TMEM268: variants seen among roughly 807,000 people sequenced by gnomAD.
TMEM268 encodes transmembrane protein C9orf91.
TMEM268 carries 24 observed loss-of-function variants against 39.1 expected under a neutral mutation model. The observed-to-expected ratio is 0.61, with a 90% CI of 0.44 to 0.86. The LOEUF (loss-of-function observed/expected upper bound fraction) is 0.86, where lower values mean the gene tolerates loss of function less well. TMEM268 is among the 40% of genes least tolerant of loss of function. The pLI is 0.00. For missense variants in TMEM268, 409 were observed against 428.6 expected, an observed-to-expected ratio of 0.95 and a Z score of 0.40; for synonymous variants, 176 against 173.5, an observed-to-expected ratio of 1.01 and a Z score of -0.12.
At chr9:114,609,782 A>T (rs1378601815), upstream of TMEM268, among the ~76,000 whole-genome samples, 1 of 151,836 alleles carries the variant, frequency 6.6e-6, no homozygotes, top group Non-Finnish European at 1.5e-5. Flanking sequence ...AAAAAGAAAC[A>T]AAGAGAGAAA....
intron 6 of TMEM268, among the ~76,000 whole-genome samples, chr9:114,635,707 A>G (rs1846605780): frequency 6.6e-6 from 1 of 152,160 alleles, no homozygotes; most frequent in African/African-American, 2.4e-5. Context: ...ACATCTTTTT[A>G]GACAACTTGA....
rs750498870 is a variant in TMEM268, at chr9:114,637,087, G to GA, written c.666+23dup. On this transcript the variant is annotated intron_variant, in intron 7 of 8. Coordinates refer to ENST00000288502, the MANE Select transcript of TMEM268 (RefSeq NM_153045.4). ...AGCCAAGAGGTAAGATATCTTCAGT[G>GA]AAAAAACAAAACAAAAACCAGGAGG... 4 of 1,558,912 alleles carry GA rather than the reference G, an allele frequency of 2.6e-6. No homozygotes were observed. The highest frequency in any genetic ancestry group is 1.4e-5 in the African/African-American group (1 of 74,012).
chr9:114,643,378 GAT>G lies in TMEM268; in HGVS notation c.*66_*67del. The G allele has an allele frequency of 6.8e-7, 1 of 1,477,476 alleles. No homozygotes were observed. The highest frequency in any genetic ancestry group is 9.4e-7 in the Non-Finnish European group (1 of 1,064,980). The allele number at this position is 1,477,476 out of a possible 1,614,324, so 91.5% of individuals were successfully genotyped here. ...AGTCAGGAAGGCTTCAGGAGCCCAA[GAT>G]GGCCAATGGGGAGCCCCAGGTGAGG... On this transcript the variant is annotated 3_prime_UTR_variant, in exon 9 of 9. Transcript: ENST00000288502.
intron 1 of TMEM268, among the ~76,000 whole-genome samples, chr9:114,613,396 T>G (rs1299448367): frequency 2.0e-5 from 3 of 152,226 alleles, no homozygotes; most frequent in African/African-American, 7.2e-5. Context: ...CTAGTACAGC[T>G]TCTCTGGGCT....
At chr9:114,608,261 C>T (rs1265235914), upstream of TMEM268, among the ~76,000 whole-genome samples, 3 of 152,226 alleles carry the variant, frequency 2.0e-5, no homozygotes, top group Non-Finnish European at 2.9e-5. Flanking sequence ...CTAAGCATTT[C>T]ATCACTTCAA....
chr9:114,636,976 GCT>G lies in TMEM268; in HGVS notation c.586-13_586-12del. The stretch of plus-strand genomic sequence containing the variant: ...CCCTTGAGCCACGGTGGTCACTGCT[GCT>G]TCTCCCCACAGCTTTGGTTTGTCTA... On this transcript the variant is annotated splice_polypyrimidine_tract_variant and intron_variant, in intron 6 of 8. Coordinates refer to ENST00000288502, the MANE Select transcript of TMEM268 (RefSeq NM_153045.4). 1 of 1,605,238 alleles carries G rather than the reference GCT, an allele frequency of 6.2e-7. No homozygotes were observed. Among genetic ancestry groups the G allele is most frequent in the Non-Finnish European group, 8.5e-7 (1 of 1,172,338 alleles).
In TMEM268 at chr9:114,643,428, C is replaced by A; in HGVS notation, c.*115C>A. The A allele has an allele frequency of 2.3e-6, 2 of 862,428 alleles. No individual in the cohort carries two copies. The highest frequency in any genetic ancestry group is 1.8e-6 in the Non-Finnish European group (1 of 554,384). 53.4% of individuals were successfully genotyped at this position (862,428 alleles called of 1,614,324 possible). On this transcript the variant is annotated 3_prime_UTR_variant, in exon 9 of 9. Transcript: ENST00000288502. Reference sequence around the variant, plus strand: ...AGGAGAGAAGCATCTGGGGGCACTCCAAAAGGGGCCTGTGATGTCAGCCAC... The same window carrying A: ...AGGAGAGAAGCATCTGGGGGCACTCAAAAAGGGGCCTGTGATGTCAGCCAC...
intron 2 of TMEM268, 148 bp downstream of exon 2, chr9:114,617,449 TAG>T: frequency 1.5e-6 from 1 of 678,154 alleles, no homozygotes; most frequent in Non-Finnish European, 2.6e-6. Context: ...CTCTTGGCCT[TAG>T]ACCAAGCCAC....
At position 114,623,479 on chromosome 9, in the gene TMEM268, G is replaced by T. The variant is rs192128467; in HGVS notation, c.107-871G>T. On this transcript the variant is annotated intron_variant, in intron 2 of 8. Transcript: ENST00000288502. The stretch of plus-strand genomic sequence containing the variant: ...TATTTCATAGTTCTGTAAGTTAGAT[G>T]TCTGACACTGATCTCACTGAGCCGA... 8.5e-4 allele frequency among the ~76,000 whole-genome samples: 130 copies of T among 152,314 alleles called. 2 individuals are homozygous for T. Among genetic ancestry groups the T allele is most frequent in the Middle Eastern group, 6.8e-3 (2 of 294 alleles).
chr9:114,643,418 G>A lies in TMEM268; in HGVS notation c.*105G>A. The stretch of plus-strand genomic sequence containing the variant: ...GCCCCAGGTGAGGAGAGAAGCATCT[G>A]GGGGCACTCCAAAAGGGGCCTGTGA... On this transcript the variant is annotated 3_prime_UTR_variant, in exon 9 of 9. Coordinates refer to ENST00000288502, the MANE Select transcript of TMEM268 (RefSeq NM_153045.4). The A allele has an allele frequency of 3.0e-6, 3 of 1,004,752 alleles. No homozygotes were observed. The highest frequency in any genetic ancestry group is 4.5e-6 in the Non-Finnish European group (3 of 671,478). 62.2% of individuals were successfully genotyped at this position (1,004,752 alleles called of 1,614,324 possible).
intron 8 of TMEM268, 54 bp downstream of exon 8, chr9:114,638,780 G>A: frequency 7.1e-7 from 1 of 1,406,792 alleles, no homozygotes; most frequent in Non-Finnish European, 9.4e-7. Context: ...AATTTGCATA[G>A]AGAAAGCCTA....
chr9:114,625,931 AT>A (rs1564290740), intron 3 of TMEM268, among the ~76,000 whole-genome samples: 1 of 151,844 alleles, frequency 6.6e-6, no homozygotes, highest in East Asian at 1.9e-4. Flanking sequence ...GCTTCAAGCA[AT>A]TCTCCTGCCT....
chr9:114,633,134 T>A (rs1846470235), intron 5 of TMEM268, among the ~76,000 whole-genome samples: 1 of 151,662 alleles, frequency 6.6e-6, no homozygotes, highest in Admixed American at 6.6e-5. Context: ...TAGTTGGGAC[T>A]ACAGGTGGAT....
rs143586181 is a variant in TMEM268, at chr9:114,638,587, A to T, written c.710A>T (p.Glu237Val). 87 of 1,604,812 alleles carry T rather than the reference A, an allele frequency of 5.4e-5. No individual in the cohort carries two copies. In the East Asian group the frequency reaches 2.0e-3, roughly 36 times the overall value. The stretch of plus-strand genomic sequence containing the variant: ...TTGAGCCAGTTGTGTGTTGTCATGG[A>T]GACTGGGGTGAGCCCTGCAACAGCG... ...SRLSQLCVVM[E>V]TGVSPATAEG... is the part of the protein sequence containing the mutation. Residue 237 changes from glutamate to valine, a missense_variant, in exon 8 of 9, where the codon GAG becomes GTG. Glu to Val is a moderately radical substitution (Grantham distance 121). Coordinates refer to ENST00000288502, the MANE Select transcript of TMEM268 (RefSeq NM_153045.4).
chr9:114,619,308 C>T (rs912931673), intron 2 of TMEM268, among the ~76,000 whole-genome samples: 1 of 152,078 alleles, frequency 6.6e-6, no homozygotes, highest in African/African-American at 2.4e-5. Flanking sequence ...CACACACACA[C>T]ACACACACAC....
At chr9:114,635,167 C>T (rs1846576983) in intron 6 of TMEM268, among the ~76,000 whole-genome samples, 1 of 150,878 alleles carries the variant, frequency 6.6e-6, no homozygotes, top group Non-Finnish European at 1.5e-5. Flanking sequence ...GTGGTGAAAC[C>T]CCGTCTCTAC....
At chr9:114,631,495 C>T (rs1159119257) in intron 5 of TMEM268, among the ~76,000 whole-genome samples, 1 of 152,158 alleles carries the variant, frequency 6.6e-6, no homozygotes, top group Non-Finnish European at 1.5e-5. Flanking sequence ...AATTATTCTA[C>T]ATGGATTAAC....
intron 2 of TMEM268, among the ~76,000 whole-genome samples, chr9:114,617,885 T>A (rs927974495): frequency 3.3e-5 from 5 of 151,964 alleles, no homozygotes; most frequent in African/African-American, 4.8e-5. Context: ...TTTTATTTTT[T>A]TTATTTTTTG....
intron 1 of TMEM268, among the ~76,000 whole-genome samples, chr9:114,612,035 A>T (rs956095681): frequency 1.3e-5 from 2 of 152,128 alleles, no homozygotes; most frequent in African/African-American, 4.8e-5. Context: ...TAACGTCCTC[A>T]CCTGTAAAAT....
Sources: gnomAD v4.1 joint callset for allele counts (sites outside exome capture counted in the v4.1 genomes callset) on GRCh38, gnomAD v4.1.1 for gene constraint, MANE v1.5 for transcripts, NCBI Gene and HGNC (gene_info 2026-07-23, HGNC 2026-07-21) for gene names.